Variants in MIR2052HG observed in about 807,000 individuals in gnomAD.
MIR2052HG encodes MIR2052 host gene.
chr8:74,686,971 A>G (rs925582376), intron 2 of MIR2052HG, among the ~76,000 whole-genome samples: 16 of 152,168 alleles, frequency 1.1e-4, no homozygotes, highest in African/African-American at 2.9e-4. Context: ...TCTGACTTGT[A>G]AGGGGCCATA....
chr8:74,728,781 C>T (rs139909059), intron 4 of MIR2052HG, among the ~76,000 whole-genome samples: 1 of 152,208 alleles, frequency 6.6e-6, no homozygotes, highest in African/African-American at 2.4e-5. Flanking sequence ...TGCAAAAAGT[C>T]AGAGTTAGTA....
At chr8:74,613,740 G>T (rs902536348) in intron 2 of MIR2052HG, among the ~76,000 whole-genome samples, 1 of 152,168 alleles carries the variant, frequency 6.6e-6, no homozygotes, top group Non-Finnish European at 1.5e-5. Context: ...ACCCGACTCC[G>T]CCTCCCAAAG....
At chr8:74,738,369 C>T (rs1586928186) in intron 4 of MIR2052HG, among the ~76,000 whole-genome samples, 2 of 152,144 alleles carry the variant, frequency 1.3e-5, no homozygotes, top group East Asian at 3.9e-4. Flanking sequence ...CCCAACTTAT[C>T]TCCATAAGTT....
At chr8:74,612,950 A>T (rs1433028360) in intron 2 of MIR2052HG, 1 of 456,106 alleles carries the variant, frequency 2.2e-6, no homozygotes, top group East Asian at 7.0e-5. Flanking sequence ...GGTGGGAAAG[A>T]TCTTTGAGTG....
At chr8:74,674,940 A>G (rs1381843594) in intron 2 of MIR2052HG, among the ~76,000 whole-genome samples, 1 of 151,942 alleles carries the variant, frequency 6.6e-6, no homozygotes, top group Non-Finnish European at 1.5e-5. Context: ...ACAGGCTTTT[A>G]TTGAACCTGT....
intron 4 of MIR2052HG, among the ~76,000 whole-genome samples, chr8:74,709,197 G>A (rs1445092155): frequency 6.6e-6 from 1 of 152,124 alleles, no homozygotes; most frequent in Non-Finnish European, 1.5e-5. Context: ...ACTGGGACTT[G>A]AGAAGTGAAC....
intron 4 of MIR2052HG, chr8:74,705,589 G>A (rs1234905854): frequency 1.2e-5 from 2 of 169,776 alleles, no homozygotes; most frequent in African/African-American, 2.4e-5. Context: ...AAAGCCTTCA[G>A]TAAAACATAG....
intron 1 of MIR2052HG, among the ~76,000 whole-genome samples, chr8:74,601,283 A>G (rs962068035): frequency 3.3e-5 from 5 of 152,180 alleles, no homozygotes; most frequent in Non-Finnish European, 5.9e-5. Context: ...AAGCACTCCA[A>G]CTGGAATTGC....
intron 2 of MIR2052HG, among the ~76,000 whole-genome samples, chr8:74,694,145 T>C (rs1334444409): frequency 2.0e-5 from 3 of 152,204 alleles, no homozygotes; most frequent in Non-Finnish European, 4.4e-5. Context: ...GGTGCTAGTA[T>C]CCATGGCTGA....
chr8:74,623,517 G>A (rs923557135), intron 2 of MIR2052HG, among the ~76,000 whole-genome samples: 1 of 152,170 alleles, frequency 6.6e-6, no homozygotes, highest in African/African-American at 2.4e-5. Context: ...ATGATAAAAT[G>A]TGTTTTTTTA....
At chr8:74,699,180 C>T (rs925306225) in intron 2 of MIR2052HG, among the ~76,000 whole-genome samples, 10 of 151,936 alleles carry the variant, frequency 6.6e-5, no homozygotes, top group South Asian at 2.1e-4. Context: ...CTAGTATAGC[C>T]GCTATGGAAA....
chr8:74,689,898 A>C (rs1809221820), intron 2 of MIR2052HG, among the ~76,000 whole-genome samples: 1 of 152,322 alleles, frequency 6.6e-6, no homozygotes, highest in Non-Finnish European at 1.5e-5. Flanking sequence ...GTGACCTCAC[A>C]GCTTGGTGGG....
intron 1 of MIR2052HG, among the ~76,000 whole-genome samples, chr8:74,608,789 A>T (rs889042068): frequency 5.3e-5 from 8 of 152,096 alleles, no homozygotes; most frequent in African/African-American, 1.7e-4. Context: ...TGTGAGATGA[A>T]GTTAAAACAA....
At chr8:74,643,312 C>A (rs956793348) in intron 2 of MIR2052HG, among the ~76,000 whole-genome samples, 4 of 152,004 alleles carry the variant, frequency 2.6e-5, no homozygotes, top group African/African-American at 9.7e-5. Flanking sequence ...GTTTCTTGGA[C>A]TTCTTCACAT....
chr8:74,703,790 T>C, intron 4 of MIR2052HG: 1 of 347,490 alleles, frequency 2.9e-6, no homozygotes, highest in Non-Finnish European at 5.7e-6. Context: ...TCAAAGCTGA[T>C]AGCGGGTTAA....
chr8:74,706,144 C>T lies in MIR2052HG; in HGVS notation n.371+2462C>T, dbSNP rs115063830. Among the ~76,000 whole-genome samples the T allele has an allele frequency of 9.3e-3, 1,422 of 152,190 alleles. 26 individuals carry two copies. Among genetic ancestry groups the T allele is most frequent in the African/African-American group, 0.032 (1,346 of 41,546 alleles). ...TTATTGTCTGGCGTCAGAGCCAGGG[C>T]AGGATCCAGCTTGAACCTCCAAGTC... On this transcript the variant is annotated intron_variant and non_coding_transcript_variant, in intron 4 of 6. Coordinates refer to ENST00000523442, the Ensembl canonical transcript of MIR2052HG.
intron 2 of MIR2052HG, among the ~76,000 whole-genome samples, chr8:74,613,270 C>A (rs908098072): frequency 2.0e-5 from 3 of 152,126 alleles, no homozygotes; most frequent in African/African-American, 7.2e-5. Flanking sequence ...TGTAGACAAT[C>A]TGAGCTTAGT....
At chr8:74,731,835 C>T (rs553607533) in intron 4 of MIR2052HG, among the ~76,000 whole-genome samples, 17 of 152,202 alleles carry the variant, frequency 1.1e-4, no homozygotes, top group South Asian at 6.2e-4. Context: ...TCTGGGCATA[C>T]TCCACATTCT....
chr8:74,713,643 T>C (rs565361625), intron 4 of MIR2052HG, among the ~76,000 whole-genome samples: 1 of 152,254 alleles, frequency 6.6e-6, no homozygotes, highest in African/African-American at 2.4e-5. Context: ...TGCTAATATA[T>C]GATTTAAAAA....
Sources: allele counts gnomAD v4.1 joint callset (sites outside exome capture counted in the v4.1 genomes callset), GRCh38; gene constraint gnomAD v4.1.1; transcripts MANE v1.5; gene names NCBI Gene and HGNC (gene_info 2026-07-23, HGNC 2026-07-21).